ATP4A: variants seen among roughly 807,000 people sequenced by gnomAD.
ATP4A encodes potassium-transporting ATPase alpha chain 1.
A neutral mutation model predicts 112.1 loss-of-function variants in ATP4A; 73 were observed. The observed-to-expected ratio is 0.65, with a 90% CI of 0.54 to 0.79. The LOEUF is 0.79. Among genes scored for constraint, ATP4A ranks in the 30% least tolerant of loss-of-function variants. ATP4A has a pLI of 0.00. For synonymous variants in ATP4A, 588 were observed against 588.9 expected, an observed-to-expected ratio of 1.00 and a Z score of 0.02; for missense variants, 1,081 against 1,425.9, an observed-to-expected ratio of 0.76 and a Z score of 3.90.
At position 35,550,917 on chromosome 19, in the gene ATP4A, C is replaced by T; in HGVS notation, c.2996G>A (p.Trp999Ter). Residue 999 changes from tryptophan (W) to a stop codon, truncating the protein, a stop_gained, in exon 21 of 22, where the codon TGG (tryptophan) becomes TAG (stop). Coordinates refer to ENST00000262623, the MANE Select transcript of ATP4A (RefSeq NM_000704.3). LOFTEE classifies it high-confidence loss of function. The surrounding 1 kb of genome is among the most constrained non-coding windows in gnomAD (Gnocchi z 4.1). ...IFNFMPIRFQWWLVPLPYGIL... is the reference protein window; with the variant it reads ...IFNFMPIRFQ ...GCCGTAGGGCAGGGGGACCAGCCAC[C>T]ACTGGAACCTGAAGGCACATGGCAA... is the stretch of plus-strand genomic sequence containing the variant. 1 of 1,614,160 alleles carries T rather than the reference C, an allele frequency of 6.2e-7. No individual in the cohort carries two copies. The highest frequency in any genetic ancestry group is 8.5e-7 in the Non-Finnish European group (1 of 1,180,014).
chr19:35,558,605 G>C lies in ATP4A; in HGVS notation c.1337C>G (p.Ser446Cys). ...GGGCACAGGCACTGCATCCTGGCCGGACTTGAAGGCGGCGCGGTTGCACAG... is the reference window on the plus strand; with the variant it reads ...GGGCACAGGCACTGCATCCTGGCCGCACTTGAAGGCGGCGCGGTTGCACAG... ...LTLCNRAAFK[S>C]GQDAVPVPKR... Residue 446 changes from serine to cysteine, a missense_variant, in exon 9 of 22, where the codon TCC (serine) becomes TGC (cysteine). Coordinates refer to ENST00000262623, the MANE Select transcript of ATP4A (RefSeq NM_000704.3). This position sits in a 1 kb window ranked among gnomAD's most constrained non-coding sequence, Gnocchi z 5.1. The C allele has an allele frequency of 6.2e-7, 1 of 1,603,822 alleles. No homozygotes were observed. Among genetic ancestry groups the C allele is most frequent in the Non-Finnish European group, 8.5e-7 (1 of 1,176,332 alleles).
rs938598618 is a variant in ATP4A at position 35,560,219 on chromosome 19, G to T, written c.787+144C>A. ...ACAGTGGGAGACAGAGAAGCAGTGT[G>T]CCCTGGGGAGGTGGCAGTCACGGGG... On this transcript the variant is annotated intron_variant, in intron 6 of 21. Transcript: ENST00000262623. This position sits in a 1 kb window ranked among gnomAD's most constrained non-coding sequence, Gnocchi z 5.1. 6.6e-7 allele frequency: 1 copy of T among 1,521,250 alleles called. No individual in the cohort carries two copies. Among genetic ancestry groups the T allele is most frequent in the East Asian group, 2.3e-5 (1 of 44,322 alleles). The allele number at this position is 1,521,250 out of a possible 1,614,324, so 94.2% of individuals were successfully genotyped here.
In ATP4A at chr19:35,562,643, G is replaced by A; in HGVS notation, c.217-5C>T. 10 of 1,589,272 alleles carry A rather than the reference G, an allele frequency of 6.3e-6. No homozygotes were observed. The highest frequency in any genetic ancestry group is 1.3e-5 in the African/African-American group (1 of 74,616). On this transcript the variant is annotated splice_region_variant and splice_polypyrimidine_tract_variant and intron_variant, in intron 3 of 21. Coordinates refer to ENST00000262623, the MANE Select transcript of ATP4A (RefSeq NM_000704.3). ...AGCCAGGCTCGCAGAGAGGCCCTGG[G>A]ACAGAGGGGCAGGGCGAGGCGGTCC...
In ATP4A at chr19:35,550,804, T is replaced by G; in HGVS notation, c.3079+30A>C. On this transcript the variant is annotated intron_variant, in intron 21 of 21. Transcript: ENST00000262623. The surrounding 1 kb of genome is among the most constrained non-coding windows in gnomAD (Gnocchi z 4.1). ...CAGCTGCTCAAACGTTTCAGTCCCCTGCCCCCAGGCTCCCAGTCTCCACAC... is the reference window on the plus strand; with the variant it reads ...CAGCTGCTCAAACGTTTCAGTCCCCGGCCCCCAGGCTCCCAGTCTCCACAC... 1 of 1,613,622 alleles carries G rather than the reference T, an allele frequency of 6.2e-7. No homozygotes were observed.
Position 35,558,177 on chromosome 19 carries a change from T to G in ATP4A, c.1500+185A>C. 1 of 772,900 alleles carries G rather than the reference T, an allele frequency of 1.3e-6. No homozygotes were observed. Among genetic ancestry groups the G allele is most frequent in the Non-Finnish European group, 2.0e-6 (1 of 500,840 alleles). The allele number at this position is 772,900 out of a possible 1,614,324, so 47.9% of individuals were successfully genotyped here. A position where few individuals can be genotyped will look rare whatever the true frequency, so the allele number is the denominator to read the frequency against. On this transcript the variant is annotated intron_variant, in intron 10 of 21. Coordinates refer to ENST00000262623, the MANE Select transcript of ATP4A (RefSeq NM_000704.3). The surrounding 1 kb of genome is among the most constrained non-coding windows in gnomAD (Gnocchi z 5.1). ...GCCGAGGAGAAGCTGTGGGCGGGGC[T>G]GGGTGGTGGGCGGGGCCTTGCCTCT...
chr19:35,555,316 T>C lies in ATP4A; in HGVS notation c.2176A>G (p.Thr726Ala), dbSNP rs761368270. 2.5e-6 allele frequency: 4 copies of C among 1,613,986 alleles called. No homozygotes were observed. The highest frequency in any genetic ancestry group is 3.4e-6 in the Non-Finnish European group (4 of 1,179,910). Residue 726 changes from threonine (T) to alanine (A), a missense_variant, in exon 15 of 22, where the codon ACG (threonine) becomes GCG (alanine). Thr to Ala is a moderately conservative substitution (Grantham distance 58). Around this residue, in one of 3 missense-constraint regions of ATP4A, gnomAD observed 850 missense variants for 1,068.2 expected, o/e 0.80. Transcript: ENST00000262623. This position sits in a 1 kb window ranked among gnomAD's most constrained non-coding sequence, Gnocchi z 6.6. ...CQRLGAIVAV[T>A]GDGVNDSPAL... The stretch of plus-strand genomic sequence containing the variant: ...GGGGAGTCATTCACACCATCCCCCG[T>C]GACGGCCACAATCGCACCCTGCAGG...
intron 12 of ATP4A, among the ~76,000 whole-genome samples, 183 bp downstream of exon 12, chr19:35,556,730 A>C (rs2071633243): frequency 6.6e-6 from 1 of 152,190 alleles, no homozygotes; most frequent in African/African-American, 2.4e-5. Flanking sequence ...AAAATTCCTA[A>C]TGACACTGAG....
rs2071648974 is a variant in ATP4A, at chr19:35,558,742, C to A, written c.1256-56G>T. On this transcript the variant is annotated intron_variant, in intron 8 of 21. Transcript: ENST00000262623. The surrounding 1 kb of genome is among the most constrained non-coding windows in gnomAD (Gnocchi z 5.1). Reference sequence around the variant, plus strand: ...CACGGCGGCTCTCCCGGACCAGAACCGAGCCCCCTCCTCCTAGGCTCATAT... The same window carrying A: ...CACGGCGGCTCTCCCGGACCAGAACAGAGCCCCCTCCTCCTAGGCTCATAT... The A allele has an allele frequency of 3.3e-6, 5 of 1,503,394 alleles. No individual in the cohort carries two copies. Among genetic ancestry groups the A allele is most frequent in the Non-Finnish European group, 4.5e-6 (5 of 1,119,874 alleles). 93.1% of individuals were successfully genotyped at this position (1,503,394 alleles called of 1,614,324 possible).
At position 35,560,104 on chromosome 19, in the gene ATP4A, TA is replaced by T. The variant is rs780880991; in HGVS notation, c.788-32del. On this transcript the variant is annotated intron_variant, in intron 6 of 21. Coordinates refer to ENST00000262623, the MANE Select transcript of ATP4A (RefSeq NM_000704.3). The surrounding 1 kb of genome is among the most constrained non-coding windows in gnomAD (Gnocchi z 5.1). ...GGGGGGCCAAGGCGCGACTCAGGGA[TA>T]GGGGGCGGCAGTGGGGTGTGCACTG... 6.7e-5 allele frequency: 108 copies of T among 1,610,380 alleles called. No individual in the cohort carries two copies. The highest frequency in any genetic ancestry group is 7.8e-5 in the Non-Finnish European group (92 of 1,178,294).
intron 16 of ATP4A, among the ~76,000 whole-genome samples, chr19:35,554,030 C>T (rs1053165146): frequency 5.3e-5 from 8 of 152,320 alleles, no homozygotes; most frequent in South Asian, 2.1e-4. Context: ...TGCCCATCTT[C>T]GTAAGAACAT....
At position 35,558,967 on chromosome 19, in the gene ATP4A, G is replaced by A. The variant is rs2071650636; in HGVS notation, c.1255+26C>T. On this transcript the variant is annotated intron_variant, in intron 8 of 21. Coordinates refer to ENST00000262623, the MANE Select transcript of ATP4A (RefSeq NM_000704.3). The surrounding 1 kb of genome is among the most constrained non-coding windows in gnomAD (Gnocchi z 5.1). ...CCACCATCCACCAGATCCTGCCCTGGCGCCTGTGCCCTCCCTCCCCCACAC... is the reference window on the plus strand; with the variant it reads ...CCACCATCCACCAGATCCTGCCCTGACGCCTGTGCCCTCCCTCCCCCACAC... 6.2e-7 allele frequency: 1 copy of A among 1,612,882 alleles called. No homozygotes were observed. Among genetic ancestry groups the A allele is most frequent in the Non-Finnish European group, 8.5e-7 (1 of 1,179,268 alleles).
intron 18 of ATP4A, 140 bp downstream of exon 18, chr19:35,552,897 C>CG: frequency 8.9e-7 from 1 of 1,120,272 alleles, no homozygotes; most frequent in Non-Finnish European, 1.2e-6. Flanking sequence ...CTTGCCCCCC[C>CG]GAACTGGCAG....
At position 35,551,605 on chromosome 19, in the gene ATP4A, C is replaced by T. The variant is rs772551421; in HGVS notation, c.2752-25G>A. On this transcript the variant is annotated intron_variant, in intron 18 of 21. Coordinates refer to ENST00000262623, the MANE Select transcript of ATP4A (RefSeq NM_000704.3). This position sits in a 1 kb window ranked among gnomAD's most constrained non-coding sequence, Gnocchi z 5.2. ...TCTGCAGGCCAGGGGCAAACGGAAA[C>T]AGCCTGAGTCCAGCCTGAGTCCCGG... 1 of 1,605,546 alleles carries T rather than the reference C, an allele frequency of 6.2e-7. No individual in the cohort carries two copies. Among genetic ancestry groups the T allele is most frequent in the South Asian group, 1.1e-5 (1 of 89,728 alleles).
intron 2 of ATP4A, 25 bp from the exon 3 acceptor site, chr19:35,563,293 G>T: frequency 6.2e-7 from 1 of 1,613,770 alleles, no homozygotes; most frequent in Non-Finnish European, 8.5e-7. Context: ...GGGGCAGGGT[G>T]CTTGCTCTGG....
chr19:35,559,191 C>A lies in ATP4A; in HGVS notation c.1057G>T (p.Val353Phe). 4 of 1,613,778 alleles carry A rather than the reference C, an allele frequency of 2.5e-6. No homozygotes were observed. The South Asian group carries it at 3.3e-5, about 13-fold the overall frequency. The change falls in exon 8 of 22, where the codon GTC becomes TTC. Residue 353 changes from valine to phenylalanine, a missense_variant and splice_region_variant. Physicochemically the swap from Val to Phe is conservative, Grantham distance 50. Coordinates refer to ENST00000262623, the MANE Select transcript of ATP4A (RefSeq NM_000704.3). This position sits in a 1 kb window ranked among gnomAD's most constrained non-coding sequence, Gnocchi z 4.1. The part of the protein sequence containing the change: ...VPEGLLATVT[V>F]CLSLTAKRLA... The stretch of plus-strand genomic sequence containing the variant: ...CGCTTGGCTGTCAGGGACAGGCAGA[C>A]CTGGGGAAGGGGTGAGCACCGCAGG...
chr19:35,561,943 C>T (rs1249990176), intron 4 of ATP4A, among the ~76,000 whole-genome samples: 1 of 151,122 alleles, frequency 6.6e-6, no homozygotes, highest in Non-Finnish European at 1.5e-5. Flanking sequence ...GCAACATCCA[C>T]CTCCTGGGTT....
Position 35,550,433 on chromosome 19 carries a change from G to T in ATP4A, c.*182C>A, listed in dbSNP as rs2071594688. 5.2e-6 allele frequency: 4 copies of T among 762,494 alleles called. No individual in the cohort carries two copies. The East Asian group carries it at 1.1e-4, about 21-fold the overall frequency. 47.2% of individuals were successfully genotyped at this position (762,494 alleles called of 1,614,324 possible). A position where few individuals can be genotyped will look rare whatever the true frequency, so the allele number is the denominator to read the frequency against. ...CTGCTCCAGGAGGTGCGAACCTTGG[G>T]AATGGGGGAGGGGAGTGGGCAGGTC... On this transcript the variant is annotated 3_prime_UTR_variant, in exon 22 of 22. Coordinates refer to ENST00000262623, the MANE Select transcript of ATP4A (RefSeq NM_000704.3). This position sits in a 1 kb window ranked among gnomAD's most constrained non-coding sequence, Gnocchi z 4.1.
chr19:35,560,037 C>T lies in ATP4A; in HGVS notation c.824G>A (p.Arg275His), dbSNP rs750910096. The stretch of plus-strand genomic sequence containing the variant: ...CGATGCGATGCGCCCAATGATGGTG[C>T]GGTCGCCCGTGTTCACCACCAGGCC... ...VQGLVVNTGD[R>H]TIIGRIASLA... Residue 275 changes from arginine (R) to histidine (H), a missense_variant, in exon 7 of 22, where the codon CGC (arginine) becomes CAC (histidine). Physicochemically the swap from Arg to His is conservative, Grantham distance 29. Around this residue, in one of 3 missense-constraint regions of ATP4A, gnomAD observed 850 missense variants for 1,068.2 expected, o/e 0.80. Transcript: ENST00000262623. This position sits in a 1 kb window ranked among gnomAD's most constrained non-coding sequence, Gnocchi z 5.1. The T allele has an allele frequency of 1.1e-5, 18 of 1,614,008 alleles. No homozygotes were observed. In the Admixed American group the frequency reaches 1.8e-4, roughly 16 times the overall value.
rs759720391 is a variant in ATP4A at position 35,558,658 on chromosome 19, C to T, written c.1284G>A (p.Thr428=). 9.4e-6 allele frequency: 15 copies of T among 1,602,594 alleles called. 1 individual carries two copies. In the South Asian group the frequency reaches 1.4e-4, roughly 14 times the overall value. ...TGAGCACCCGGCACAGCGCCCGCCA[C>T]GTCTCCGAGGACTGGTCAAACGTCT... ...SGQTFDQSSE[T]WRALCRVLTL... The change falls in exon 9 of 22, where the codon ACG becomes ACA. Residue 428 remains threonine, a synonymous_variant. Coordinates refer to ENST00000262623, the MANE Select transcript of ATP4A (RefSeq NM_000704.3). The surrounding 1 kb of genome is among the most constrained non-coding windows in gnomAD (Gnocchi z 5.1).
Sources: allele counts gnomAD v4.1 joint callset (sites outside exome capture counted in the v4.1 genomes callset), GRCh38; gene constraint gnomAD v4.1.1; regional missense constraint gnomAD v4.1.1; non-coding constraint Gnocchi (gnomAD v3.1); transcripts MANE v1.5; gene names NCBI Gene and HGNC (gene_info 2026-07-23, HGNC 2026-07-21).